The following SNCAIP variants were observed in gnomAD, a reference collection of about 807,000 sequenced individuals.
SNCAIP encodes the protein synphilin-1.
A neutral mutation model predicts 86.7 loss-of-function variants in SNCAIP; 43 were observed. The ratio of observed to expected loss-of-function variants is 0.50; its 90% confidence interval spans 0.39 to 0.64. The LOEUF (loss-of-function observed/expected upper bound fraction) is 0.64. SNCAIP is among the 30% of genes least tolerant of loss of function. SNCAIP has a pLI of 0.00. For synonymous variants in SNCAIP, 417 were observed against 427.2 expected (o/e 0.98, Z 0.29); for missense variants, 981 against 1,103.1 (o/e 0.89, Z 1.57).
intron 3 of SNCAIP, among the ~76,000 whole-genome samples, chr5:122,408,161 AGTGGAGT>A (rs1442833708): frequency 6.6e-6 from 1 of 152,174 alleles, no homozygotes; most frequent in Non-Finnish European, 1.5e-5. Context: ...TCCCTCTTAA[AGTGGAGT>A]GCCCAGAACC....
intron 1 of SNCAIP, chr5:122,321,454 T>C (rs1752916961): frequency 2.0e-5 from 3 of 152,140 alleles, no homozygotes; most frequent in African/African-American, 7.2e-5. Context: ...TCAGCCTCCC[T>C]CGACACTTAG....
chr5:122,414,138 G>T (rs1369549654), intron 3 of SNCAIP, among the ~76,000 whole-genome samples: 1 of 151,820 alleles, frequency 6.6e-6, no homozygotes, highest in African/African-American at 2.4e-5. Flanking sequence ...CAAATTTCTG[G>T]CTTTAGGCAG....
chr5:122,417,013 T>C (rs1301793978), intron 3 of SNCAIP, among the ~76,000 whole-genome samples: 1 of 152,192 alleles, frequency 6.6e-6, no homozygotes, highest in Non-Finnish European at 1.5e-5. Context: ...GAACACTACT[T>C]TATCCTAAAT....
Position 122,425,543 on chromosome 5 carries a change from G to A in SNCAIP, c.1182+12G>A, listed in dbSNP as rs1777189041. On this transcript the variant is annotated intron_variant, in intron 5 of 10. Coordinates refer to ENST00000261368, the MANE Select transcript of SNCAIP (RefSeq NM_005460.4). ...GCCTGGCCATTAAGGTGACTGGTTG[G>A]GGGCTGGAACCTCCACAGCTAGAAG... 6.2e-7 allele frequency: 1 copy of A among 1,611,452 alleles called. No individual in the cohort carries two copies. The highest frequency in any genetic ancestry group is 8.5e-7 in the Non-Finnish European group (1 of 1,177,694).
intron 7 of SNCAIP, chr5:122,443,489 CT>C (rs1053229271): frequency 7.9e-6 from 3 of 379,924 alleles, no homozygotes; most frequent in African/African-American, 6.3e-5. Flanking sequence ...TTTCTCCTTT[CT>C]TATGACTATT....
At chr5:122,318,966 C>CTTTTT (rs58667095) in intron 1 of SNCAIP, among the ~76,000 whole-genome samples, 1 of 130,652 alleles carries the variant, frequency 7.7e-6, no homozygotes, top group African/African-American at 2.7e-5. Flanking sequence ...CTGTTATCAT[C>CTTTTT]TTTTTTTTTT....
At position 122,336,192 on chromosome 5, in the gene SNCAIP, A is replaced by G. The variant is rs558059623; in HGVS notation, c.-47+23908A>G. Among the ~76,000 whole-genome samples, 50 of 149,560 alleles carry G rather than the reference A, an allele frequency of 3.3e-4. No homozygotes were observed. The South Asian group carries it at 6.1e-3, about 18-fold the overall frequency. On this transcript the variant is annotated intron_variant, in intron 1 of 10. Coordinates refer to ENST00000261368, the MANE Select transcript of SNCAIP (RefSeq NM_005460.4). ...GGTTATCAAGAGAGAGAGAGAGAGAAAGAGAGAGAGAGTGTGTAACAGATA... is the reference window on the plus strand; with the variant it reads ...GGTTATCAAGAGAGAGAGAGAGAGAGAGAGAGAGAGAGTGTGTAACAGATA...
At chr5:122,347,889 CTTTTTAAAAAAAATAAGCTAAAAGTGT>C (rs1758939995) in intron 1 of SNCAIP, among the ~76,000 whole-genome samples, 1 of 151,930 alleles carries the variant, frequency 6.6e-6, no homozygotes, top group East Asian at 1.9e-4. Context: ...TAACGATTTT[CTTTTTAAAAAAAATAAGCTAAAAGTGT>C]TTCCCTTTTT....
intron 1 of SNCAIP, among the ~76,000 whole-genome samples, chr5:122,363,684 T>TAAA (rs11397559): frequency 6.1e-5 from 9 of 147,834 alleles, no homozygotes; most frequent in Non-Finnish European, 1.2e-4. Context: ...GGTAAGGAGT[T>TAAA]AAAAAAAAAA....
intron 3 of SNCAIP, among the ~76,000 whole-genome samples, chr5:122,417,129 T>C (rs1314932767): frequency 6.6e-6 from 1 of 152,218 alleles, no homozygotes; most frequent in Non-Finnish European, 1.5e-5. Flanking sequence ...GGAGCCAGCA[T>C]TGACGTTTGG....
chr5:122,433,041 A>G (rs1337904596), intron 6 of SNCAIP, among the ~76,000 whole-genome samples: 1 of 151,784 alleles, frequency 6.6e-6, no homozygotes, highest in Admixed American at 6.6e-5. Flanking sequence ...AGACAACACT[A>G]TTACCACAGT....
intron 1 of SNCAIP, among the ~76,000 whole-genome samples, chr5:122,363,562 A>T (rs1298181813): frequency 6.6e-6 from 1 of 152,094 alleles, no homozygotes; most frequent in Non-Finnish European, 1.5e-5. Context: ...TGTAGAACAG[A>T]TGTAAACACA....
intron 6 of SNCAIP, among the ~76,000 whole-genome samples, chr5:122,434,993 T>C (rs140134026): frequency 1.3e-5 from 2 of 152,152 alleles, no homozygotes; most frequent in South Asian, 2.1e-4. Flanking sequence ...TCCTAAAGAA[T>C]GGGCTCCACG....
At chr5:122,403,647 C>T in intron 2 of SNCAIP, 146 bp from the exon 3 acceptor site, 1 of 770,870 alleles carries the variant, frequency 1.3e-6, no homozygotes, top group Non-Finnish European at 2.4e-6. Flanking sequence ...ACCACGCAGC[C>T]CATTTAGGGT....
At chr5:122,343,621 GA>G (rs1758021134) in intron 1 of SNCAIP, among the ~76,000 whole-genome samples, 1 of 152,216 alleles carries the variant, frequency 6.6e-6, no homozygotes, top group African/African-American at 2.4e-5. Flanking sequence ...GAGGGTTTTA[GA>G]AAAGCCGGTT....
rs1389022986 is a variant in SNCAIP at position 122,379,848 on chromosome 5, AT to A, written c.-46-11238del. Among the ~76,000 whole-genome samples the A allele has an allele frequency of 1.1e-4, 17 of 151,054 alleles. No individual in the cohort carries two copies. In the East Asian group the frequency reaches 3.3e-3, roughly 30 times the overall value. The stretch of plus-strand genomic sequence containing the variant: ...TTTATATGCTGGATTACATTTATTG[AT>A]TTGCGTATATTGAACCAGCCTTGCA... On this transcript the variant is annotated intron_variant, in intron 1 of 10. Coordinates refer to ENST00000261368, the MANE Select transcript of SNCAIP (RefSeq NM_005460.4).
intron 1 of SNCAIP, among the ~76,000 whole-genome samples, chr5:122,386,028 TG>T (rs1768060899): frequency 6.6e-6 from 1 of 152,220 alleles, no homozygotes; most frequent in South Asian, 2.1e-4. Context: ...GATATGTGAC[TG>T]TAGTCACAAA....
At chr5:122,387,182 G>A (rs562148550) in intron 1 of SNCAIP, among the ~76,000 whole-genome samples, 12 of 152,038 alleles carry the variant, frequency 7.9e-5, no homozygotes, top group South Asian at 4.2e-4. Flanking sequence ...TTTTTGCGAC[G>A]GAGTCTCGTT....
chr5:122,441,703 C>T (rs1387250629), intron 7 of SNCAIP, among the ~76,000 whole-genome samples: 2 of 152,040 alleles, frequency 1.3e-5, no homozygotes, highest in Non-Finnish European at 2.9e-5. Context: ...AACATAAGAC[C>T]CAATTGATCT....
Sources: allele counts gnomAD v4.1 joint callset (sites outside exome capture counted in the v4.1 genomes callset), GRCh38; gene constraint gnomAD v4.1.1; transcripts MANE v1.5; gene names NCBI Gene and HGNC (gene_info 2026-07-23, HGNC 2026-07-21).